Variants in NDUFS4 observed in about 807,000 individuals in gnomAD.
NDUFS4 encodes NADH:ubiquinone oxidoreductase subunit S4.
A neutral mutation model predicts 24.3 loss-of-function variants in NDUFS4; 28 were observed. The ratio of observed to expected loss-of-function variants is 1.15; its 90% CI spans 0.85 to 1.58. The LOEUF (loss-of-function observed/expected upper bound fraction) is 1.58, where lower values mean the gene tolerates loss of function less well. NDUFS4 is among the 40% of genes most tolerant of loss of function. NDUFS4 has a pLI of 0.00. For synonymous variants in NDUFS4, 93 were observed against 69.7 expected (o/e 1.34, Z -1.67); for missense variants, 223 against 207.9 (o/e 1.07, Z -0.45).
chr5:53,623,868 A>C (rs1289166678), intron 2 of NDUFS4, among the ~76,000 whole-genome samples: 1 of 152,014 alleles, frequency 6.6e-6, no homozygotes, highest in Non-Finnish European at 1.5e-5. Flanking sequence ...ACAGGCGTGC[A>C]CCACCATGCC....
At chr5:53,588,388 T>G (rs917095642) in intron 1 of NDUFS4, among the ~76,000 whole-genome samples, 4 of 152,180 alleles carry the variant, frequency 2.6e-5, no homozygotes, top group Non-Finnish European at 4.4e-5. Flanking sequence ...GCCAATTACT[T>G]AACTAGTTAT....
intron 4 of NDUFS4, among the ~76,000 whole-genome samples, chr5:53,677,958 TA>T (rs1375520042): frequency 1.3e-5 from 2 of 152,144 alleles, no homozygotes; most frequent in Non-Finnish European, 1.5e-5. Context: ...TCACAAGCAA[TA>T]AAAGAACTGA....
Position 53,683,236 on chromosome 5 carries a change from T to C in NDUFS4, c.*15T>C, listed in dbSNP as rs1561407884. On this transcript the variant is annotated 3_prime_UTR_variant, in exon 5 of 5. Transcript: ENST00000296684. ...CCACAAAATAGGTTGGCACTGACTA[T>C]ATCTCTGCTTGACTGTGAATAAAGT... is the stretch of plus-strand genomic sequence containing the variant. 2.6e-6 allele frequency: 4 copies of C among 1,526,708 alleles called. No individual in the cohort carries two copies. Among genetic ancestry groups the C allele is most frequent in the African/African-American group, 1.4e-5 (1 of 72,816 alleles). The allele number at this position is 1,526,708 out of a possible 1,614,324, so 94.6% of individuals were successfully genotyped here. A position where few individuals can be genotyped will look rare whatever the true frequency, so the allele number is the denominator to read the frequency against.
intron 1 of NDUFS4, among the ~76,000 whole-genome samples, chr5:53,590,839 A>G (rs759119539): frequency 6.6e-6 from 1 of 152,218 alleles, no homozygotes; most frequent in Non-Finnish European, 1.5e-5. Context: ...GGCATTAAGT[A>G]CATTCACATT....
chr5:53,580,649 C>T (rs1749529880), intron 1 of NDUFS4, among the ~76,000 whole-genome samples: 1 of 147,654 alleles, frequency 6.8e-6, no homozygotes. Flanking sequence ...TATTTATTTT[C>T]TTTCTTTCTT....
chr5:53,612,910 AACT>A (rs1750742220), intron 2 of NDUFS4, among the ~76,000 whole-genome samples: 1 of 152,088 alleles, frequency 6.6e-6, no homozygotes, highest in African/African-American at 2.4e-5. Flanking sequence ...AAAATAAAAC[AACT>A]ACGTTTGCTG....
chr5:53,573,860 A>G (rs1213032546), intron 1 of NDUFS4: 1 of 200,518 alleles, frequency 5.0e-6, no homozygotes, highest in East Asian at 1.6e-4. Context: ...CCAGAATGCT[A>G]GGATTATAGA....
At chr5:53,652,764 G>T (rs1039226457) in intron 3 of NDUFS4, among the ~76,000 whole-genome samples, 6 of 152,100 alleles carry the variant, frequency 3.9e-5, no homozygotes, top group African/African-American at 1.4e-4. Context: ...AAAGGTAAAA[G>T]ATTTATCTTT....
At chr5:53,661,654 G>T (rs1168647533) in intron 4 of NDUFS4, among the ~76,000 whole-genome samples, 6 of 152,164 alleles carry the variant, frequency 3.9e-5, no homozygotes, top group East Asian at 1.9e-4. Flanking sequence ...TCTTCCATTT[G>T]TTTGTATCCG....
chr5:53,569,936 A>T (rs897373111), intron 1 of NDUFS4, among the ~76,000 whole-genome samples: 1 of 152,144 alleles, frequency 6.6e-6, no homozygotes, highest in Non-Finnish European at 1.5e-5. Flanking sequence ...ATGAGCTGAG[A>T]TTGAATTAAG....
chr5:53,645,109 A>T (rs1292622728), intron 2 of NDUFS4, among the ~76,000 whole-genome samples: 1 of 152,154 alleles, frequency 6.6e-6, no homozygotes, highest in Non-Finnish European at 1.5e-5. Context: ...AGTTTTCACA[A>T]ATTTGGTATA....
chr5:53,650,026 A>T (rs941432646), intron 3 of NDUFS4, among the ~76,000 whole-genome samples: 2 of 152,180 alleles, frequency 1.3e-5, no homozygotes, highest in Non-Finnish European at 2.9e-5. Context: ...TGTAAACCAC[A>T]TGCTTCTAGA....
chr5:53,625,241 TATC>T (rs1291380932), intron 2 of NDUFS4, among the ~76,000 whole-genome samples: 3 of 152,168 alleles, frequency 2.0e-5, no homozygotes, highest in Admixed American at 6.5e-5. Flanking sequence ...TGTTTTCTTT[TATC>T]ATCATTACTG....
chr5:53,584,416 C>T (rs575846678), intron 1 of NDUFS4, among the ~76,000 whole-genome samples: 12 of 152,034 alleles, frequency 7.9e-5, no homozygotes, highest in East Asian at 5.8e-4. Flanking sequence ...AGTGCAATGG[C>T]GCGATCTCAG....
chr5:53,616,969 C>T lies in NDUFS4; in HGVS notation c.177+13439C>T, dbSNP rs1222347189. 3.3e-5 allele frequency among the ~76,000 whole-genome samples: 5 copies of T among 152,138 alleles called. No homozygotes were observed. The East Asian group carries it at 9.7e-4, about 29-fold the overall frequency. ...AAAGAATCTTCTGAATTTGAAATTGCTTTTTGAGAAAGGCAGTATTGGGAC... is the reference window on the plus strand; with the variant it reads ...AAAGAATCTTCTGAATTTGAAATTGTTTTTTGAGAAAGGCAGTATTGGGAC... On this transcript the variant is annotated intron_variant, in intron 2 of 4. Coordinates refer to ENST00000296684, the MANE Select transcript of NDUFS4 (RefSeq NM_002495.4).
intron 2 of NDUFS4, among the ~76,000 whole-genome samples, chr5:53,605,571 T>C (rs1479575189): frequency 6.6e-6 from 1 of 152,206 alleles, no homozygotes; most frequent in Non-Finnish European, 1.5e-5. Flanking sequence ...TTTCTTGCCC[T>C]ACCTAGATTT....
At chr5:53,627,103 C>G (rs938875804) in intron 2 of NDUFS4, among the ~76,000 whole-genome samples, 2 of 152,148 alleles carry the variant, frequency 1.3e-5, no homozygotes, top group African/African-American at 4.8e-5. Context: ...CTACATATGG[C>G]TAGCCAGTTC....
chr5:53,570,718 C>G (rs1749184349), intron 1 of NDUFS4, among the ~76,000 whole-genome samples: 1 of 127,192 alleles, frequency 7.9e-6, no homozygotes. Context: ...GAGTCTTGCT[C>G]TGTCACCCAG....
chr5:53,666,087 T>C (rs1288836327), intron 4 of NDUFS4, among the ~76,000 whole-genome samples: 1 of 152,246 alleles, frequency 6.6e-6, no homozygotes, highest in Non-Finnish European at 1.5e-5. Context: ...TTTTCAAAAG[T>C]GGTCTTTTAA....
Sources: gnomAD v4.1 joint callset for allele counts (sites outside exome capture counted in the v4.1 genomes callset) on GRCh38, gnomAD v4.1.1 for gene constraint, MANE v1.5 for transcripts, NCBI Gene and HGNC (gene_info 2026-07-23, HGNC 2026-07-21) for gene names.